FCHO1: variants seen among roughly 807,000 people sequenced by gnomAD.
FCHO1 encodes FCH and mu domain containing endocytic adaptor 1, also known as F-BAR domain only protein 1.
Under a neutral mutation model 114.4 loss-of-function variants are expected in FCHO1, and 45 were observed. That is an observed-to-expected ratio of 0.39 (90% CI 0.31 to 0.50). FCHO1 has a LOEUF of 0.50. Among genes scored for constraint, FCHO1 ranks in the 20% least tolerant of loss-of-function variants. The pLI is 0.77. For missense variants in FCHO1, 1,042 were observed against 1,209.6 expected (o/e 0.86, Z 2.06); for synonymous variants, 480 against 488.9 (o/e 0.98, Z 0.24).
chr19:17,778,372 C>T (rs747022170), intron 19 of FCHO1, 144 bp downstream of exon 19: 10 of 716,268 alleles, frequency 1.4e-5, no homozygotes, highest in Non-Finnish European at 2.1e-5. Flanking sequence ...GGCCAGAGTG[C>T]GCGTGGGAGG....
Position 17,775,916 on chromosome 19 carries a change from C to A in FCHO1, c.1004-67C>A. ...AGGGTTTGAGCAGGGAGGGACGAGG[C>A]TGGATTGGAGAGCTGACTGGGGGAA... On this transcript the variant is annotated intron_variant, in intron 15 of 28. Coordinates refer to ENST00000596536, the MANE Select transcript of FCHO1 (RefSeq NM_015122.3). The surrounding 1 kb of genome is among the most constrained non-coding windows in gnomAD (Gnocchi z 5.1). 6.4e-7 allele frequency: 1 copy of A among 1,565,152 alleles called. No homozygotes were observed. The highest frequency in any genetic ancestry group is 1.2e-5 in the South Asian group (1 of 86,716).
rs1448043064 is a variant in FCHO1 at position 17,766,719 on chromosome 19, C to T, written c.245C>T (p.Ala82Val). ...TTCCGCGTCTCCTCGGACAAGCTGG[C>T]GCTGTGCCACCTGGAACTGACACGG... ...EVFRVSSDKLALCHLELTRKL... is the reference protein window; with the variant it reads ...EVFRVSSDKLVLCHLELTRKL... The change falls in exon 7 of 29, where the codon GCG (alanine) becomes GTG (valine). Residue 82 changes from alanine to valine, a missense_variant. Transcript: ENST00000596536. 1.5e-5 allele frequency: 25 copies of T among 1,614,046 alleles called. No homozygotes were observed. Among genetic ancestry groups the T allele is most frequent in the South Asian group, 7.7e-5 (7 of 91,086 alleles).
At chr19:17,755,016 C>G in intron 3 of FCHO1, 102 bp from the exon 4 acceptor site, 1 of 787,566 alleles carries the variant, frequency 1.3e-6, no homozygotes, top group Non-Finnish European at 2.3e-6. Context: ...GCTTTCAGTT[C>G]CTCCTTCATC....
chr19:17,771,862 GAGTGC>G (rs1568347240), intron 9 of FCHO1, among the ~76,000 whole-genome samples: 1 of 151,876 alleles, frequency 6.6e-6, no homozygotes, highest in Non-Finnish European at 1.5e-5. Flanking sequence ...ACTCAGGCTG[GAGTGC>G]AGTGGCGTGA....
At chr19:17,763,218 C>T (rs1365951385) in intron 5 of FCHO1, among the ~76,000 whole-genome samples, 1 of 149,610 alleles carries the variant, frequency 6.7e-6, no homozygotes, top group Non-Finnish European at 1.5e-5. Flanking sequence ...TACCTCAGCT[C>T]CCGAGTAGCT....
rs1164676745 is a variant in FCHO1 at position 17,781,770 on chromosome 19, C to A, written c.1887C>A (p.Ala629=). The change falls in exon 23 of 29, where the codon GCC becomes GCA. Residue 629 remains alanine (A), a synonymous_variant. Coordinates refer to ENST00000596536, the MANE Select transcript of FCHO1 (RefSeq NM_015122.3). ...VLGSQDALPI[A]TAFTEYVHAY... ...GCTCCCAGGATGCCCTGCCCATAGC[C>A]ACAGCCTTCACAGAGTATGTCCACG... 1.2e-6 allele frequency: 2 copies of A among 1,611,670 alleles called. No individual in the cohort carries two copies. Among genetic ancestry groups the A allele is most frequent in the Non-Finnish European group, 1.7e-6 (2 of 1,178,864 alleles).
rs1190422530 is a variant in FCHO1, at chr19:17,784,845, A to G, written c.2347A>G (p.Thr783Ala). 1.2e-6 allele frequency: 2 copies of G among 1,613,740 alleles called. No homozygotes were observed. The highest frequency in any genetic ancestry group is 1.7e-5 in the Admixed American group (1 of 60,002). ...GYRPGATAVP[T>A]PLTNVQILLP... is the part of the protein sequence containing the mutation. ...CCGGCCCGGTGCCACGGCTGTGCCC[A>G]CACCACTCACGAACGTCCAGATCCT... The change falls in exon 26 of 29, where the codon ACA (threonine) becomes GCA (alanine). Residue 783 changes from threonine to alanine, a missense_variant. By Grantham distance (58) the Thr-to-Ala change is moderately conservative. Around this residue, in one of 3 missense-constraint regions of FCHO1, gnomAD observed 137 missense variants for 190.0 expected, o/e 0.72. Coordinates refer to ENST00000596536, the MANE Select transcript of FCHO1 (RefSeq NM_015122.3). The surrounding 1 kb of genome is among the most constrained non-coding windows in gnomAD (Gnocchi z 5.3).
chr19:17,772,818 A>ATTTTT, intron 11 of FCHO1, 77 bp downstream of exon 11: 1 of 1,038,180 alleles, frequency 9.6e-7, no homozygotes, highest in Non-Finnish European at 1.4e-6. Flanking sequence ...TGCCCAGCTA[A>ATTTTT]TTTTTTTTTT....
chr19:17,786,010 G>A (rs2093855283), intron 26 of FCHO1, among the ~76,000 whole-genome samples: 1 of 151,234 alleles, frequency 6.6e-6, no homozygotes, highest in Admixed American at 6.6e-5. Context: ...GAAGAAGCCA[G>A]ACTTATAGGA....
At chr19:17,773,115 A>G (rs945385796) in intron 11 of FCHO1, among the ~76,000 whole-genome samples, 4 of 152,210 alleles carry the variant, frequency 2.6e-5, no homozygotes, top group Non-Finnish European at 5.9e-5. Flanking sequence ...TAAGGGAGCC[A>G]TTGAGGGTTG....
chr19:17,757,182 TAAAAAAAAAAAA>T (rs768156240), intron 4 of FCHO1, among the ~76,000 whole-genome samples: 1 of 83,360 alleles, frequency 1.2e-5, no homozygotes, highest in Non-Finnish European at 2.5e-5. Context: ...AGACTCCGTC[TAAAAAAAAAAAA>T]AAAAAAAAAA....
At chr19:17,785,833 C>A (rs1001560219) in intron 26 of FCHO1, among the ~76,000 whole-genome samples, 335 of 130,292 alleles carry the variant, frequency 2.6e-3, no homozygotes, top group Admixed American at 2.8e-3. Context: ...GACTCCGTCT[C>A]AAAAAAAAAA....
intron 18 of FCHO1, among the ~76,000 whole-genome samples, chr19:17,777,262 C>G (rs898178399): frequency 6.6e-6 from 1 of 151,842 alleles, no homozygotes; most frequent in Non-Finnish European, 1.5e-5. Context: ...TAGGGCCAGG[C>G]GTGGCGGCTC....
At chr19:17,779,552 T>A (rs1219101585) in intron 20 of FCHO1, among the ~76,000 whole-genome samples, 15 of 112,434 alleles carry the variant, frequency 1.3e-4, no homozygotes, top group South Asian at 2.9e-4. Flanking sequence ...AGGAGCGGAG[T>A]CAAGGGAGGG....
chr19:17,772,564 G>T lies in FCHO1; in HGVS notation c.693+9G>T. Reference sequence around the variant, plus strand: ...ACGTGCAGATTGGGCAGGTGAGTTGGGCAGGTGTGAGGAATGAGGCTGGGG... The same window carrying T: ...ACGTGCAGATTGGGCAGGTGAGTTGTGCAGGTGTGAGGAATGAGGCTGGGG... On this transcript the variant is annotated intron_variant, in intron 10 of 28. Coordinates refer to ENST00000596536, the MANE Select transcript of FCHO1 (RefSeq NM_015122.3). 2 of 1,614,084 alleles carry T rather than the reference G, an allele frequency of 1.2e-6. No homozygotes were observed. Among genetic ancestry groups the T allele is most frequent in the Non-Finnish European group, 1.7e-6 (2 of 1,179,948 alleles).
intron 18 of FCHO1, 61 bp from the exon 19 acceptor site, chr19:17,778,076 C>T: frequency 7.9e-7 from 1 of 1,264,056 alleles, no homozygotes; most frequent in Non-Finnish European, 1.2e-6. Flanking sequence ...GTGCAAAGGC[C>T]CCAGGGTGGG....
At chr19:17,768,400 G>A (rs1386805106) in intron 7 of FCHO1, among the ~76,000 whole-genome samples, 1 of 151,924 alleles carries the variant, frequency 6.6e-6, no homozygotes, top group Non-Finnish European at 1.5e-5. Context: ...TGTATAGAAG[G>A]GATCTTGCTA....
intron 3 of FCHO1, 119 bp from the exon 4 acceptor site, chr19:17,754,999 C>A: frequency 2.7e-6 from 2 of 742,344 alleles, no homozygotes; most frequent in South Asian, 1.5e-5. Context: ...ATGCTCTTAG[C>A]ATTGGAGCTT....
chr19:17,778,129 C>T lies in FCHO1; in HGVS notation c.1260-8C>T, dbSNP rs537017835. On this transcript the variant is annotated splice_polypyrimidine_tract_variant and splice_region_variant and intron_variant, in intron 18 of 28. Coordinates refer to ENST00000596536, the MANE Select transcript of FCHO1 (RefSeq NM_015122.3). Reference sequence around the variant, plus strand: ...TAGAAGCAGCCCTCTTGGCCTCACCCTCTCTAGCTGTGCAGAGAGATTGCA... The same window carrying T: ...TAGAAGCAGCCCTCTTGGCCTCACCTTCTCTAGCTGTGCAGAGAGATTGCA... 5.3e-5 allele frequency: 86 copies of T among 1,611,156 alleles called. No homozygotes were observed. The highest frequency in any genetic ancestry group is 4.7e-4 in the Admixed American group (28 of 60,018).
Sources: allele counts gnomAD v4.1 joint callset (sites outside exome capture counted in the v4.1 genomes callset), GRCh38; gene constraint gnomAD v4.1.1; regional missense constraint gnomAD v4.1.1; non-coding constraint Gnocchi (gnomAD v3.1); transcripts MANE v1.5; gene names NCBI Gene and HGNC (gene_info 2026-07-23, HGNC 2026-07-21).